The following PLA2G4C variants were observed in gnomAD, a reference collection of about 807,000 sequenced individuals.
PLA2G4C encodes cytosolic phospholipase A2 gamma.
In PLA2G4C, 64 loss-of-function variants were observed where a neutral mutation model predicts 73.8. That is an observed-to-expected ratio of 0.87 (90% confidence interval 0.71 to 1.07). The LOEUF is 1.07. PLA2G4C is among the 50% of genes least tolerant of loss of function. PLA2G4C has a pLI of 0.00. For missense variants in PLA2G4C, 622 were observed against 665.4 expected (o/e 0.93, Z 0.72); for synonymous variants, 254 against 252.1 (o/e 1.01, Z -0.07).
In PLA2G4C at chr19:48,074,788, G is replaced by T; in HGVS notation, c.985C>A (p.His329Asn). The T allele has an allele frequency of 1.9e-6, 3 of 1,613,178 alleles. No homozygotes were observed. Among genetic ancestry groups the T allele is most frequent in the Non-Finnish European group, 2.5e-6 (3 of 1,179,208 alleles). Reference sequence around the variant, plus strand: ...GTACCTTTCCTTTCGGGGTCCTCATGGGGCTGCTCCTGCTTTTCCAGGGAG... The same window carrying T: ...GTACCTTTCCTTTCGGGGTCCTCATTGGGCTGCTCCTGCTTTTCCAGGGAG... ...RTSLEKQEQP[H>N]EDPERKGSLS... Residue 329 changes from histidine (H) to asparagine (N), a missense_variant, in exon 12 of 17, where the codon CAT (histidine) becomes AAT (asparagine). Coordinates refer to ENST00000599921, the MANE Select transcript of PLA2G4C (RefSeq NM_003706.3).
chr19:48,057,482 TC>T (rs66498634), intron 14 of PLA2G4C, among the ~76,000 whole-genome samples: 3,825 of 38,228 alleles, frequency 0.1, 754 homozygotes, highest in Non-Finnish European at 0.13. Flanking sequence ...TTCTTCTTCT[TC>T]TTTTTTTTTT....
chr19:48,078,487 G>C (rs759471020), intron 10 of PLA2G4C, among the ~76,000 whole-genome samples: 14 of 152,100 alleles, frequency 9.2e-5, no homozygotes, highest in Admixed American at 2.0e-4. Flanking sequence ...CATCCAAAAA[G>C]CTCCTAGGTC....
intron 14 of PLA2G4C, among the ~76,000 whole-genome samples, chr19:48,060,108 C>T (rs1260910135): frequency 6.6e-6 from 1 of 151,988 alleles, no homozygotes; most frequent in Non-Finnish European, 1.5e-5. Context: ...TCGGACTGAG[C>T]CACTATTGGT....
rs2032466875 is a variant in PLA2G4C at position 48,110,730 on chromosome 19, G to A, written c.-276C>T. On this transcript the variant is annotated 5_prime_UTR_variant, in exon 1 of 17. Transcript: ENST00000599921. ...GTGTTTCCTCCTGGTCCTGAGCAGG[G>A]CCAACCTGGAGGTAAAATGGCCCCT... 9.3e-6 allele frequency: 4 copies of A among 432,218 alleles called. No individual in the cohort carries two copies. Among genetic ancestry groups the A allele is most frequent in the Non-Finnish European group, 1.6e-5 (4 of 250,752 alleles). 26.8% of individuals were successfully genotyped at this position (432,218 alleles called of 1,614,324 possible).
intron 11 of PLA2G4C, among the ~76,000 whole-genome samples, chr19:48,075,891 T>C (rs2030118417): frequency 6.6e-6 from 1 of 152,224 alleles, no homozygotes; most frequent in Non-Finnish European, 1.5e-5. Context: ...CATTTGCAGG[T>C]TGGAGATAGA....
At chr19:48,059,363 C>A (rs1968082342) in intron 14 of PLA2G4C, among the ~76,000 whole-genome samples, 1 of 151,968 alleles carries the variant, frequency 6.6e-6, no homozygotes, top group Admixed American at 6.6e-5. Flanking sequence ...AGTGTGATTG[C>A]CTCGATGTGT....
intron 10 of PLA2G4C, among the ~76,000 whole-genome samples, chr19:48,079,573 C>T (rs555286872): frequency 4.1e-4 from 62 of 152,148 alleles, no homozygotes; most frequent in Non-Finnish European, 6.8e-4. Context: ...GACCAGAAAC[C>T]ATAAAAATTC....
chr19:48,055,033 G>A lies in PLA2G4C; in HGVS notation c.1274C>T (p.Thr425Ile). 1 of 1,609,618 alleles carries A rather than the reference G, an allele frequency of 6.2e-7. No individual in the cohort carries two copies. The highest frequency in any genetic ancestry group is 1.3e-5 in the African/African-American group (1 of 74,752). The stretch of plus-strand genomic sequence containing the variant: ...GATCTTGTGGCGGCGGCAGTAGTCA[G>A]TGGTAGCCCGGATGGTCTGAGAAGG... ...GDPFETIRAT[T>I]DYCRRHKIPF... is the part of the protein sequence containing the mutation. The change falls in exon 15 of 17, where the codon ACT becomes ATT. Residue 425 changes from threonine (T) to isoleucine (I), a missense_variant. Transcript: ENST00000599921.
chr19:48,054,406 C>T (rs1054137837), intron 15 of PLA2G4C, among the ~76,000 whole-genome samples: 27 of 152,174 alleles, frequency 1.8e-4, no homozygotes, highest in East Asian at 3.9e-4. Flanking sequence ...CAGGTTCAAG[C>T]GATTCTCCTG....
At chr19:48,086,559 C>T (rs529671273) in intron 9 of PLA2G4C, among the ~76,000 whole-genome samples, 33 of 152,198 alleles carry the variant, frequency 2.2e-4, no homozygotes, top group Admixed American at 1.3e-3. Flanking sequence ...ATACAAAGGA[C>T]GGAAACTTTT....
chr19:48,092,534 C>A (rs2031366071), intron 7 of PLA2G4C, among the ~76,000 whole-genome samples: 1 of 152,112 alleles, frequency 6.6e-6, no homozygotes, highest in Admixed American at 6.6e-5. Context: ...AATTGATAAG[C>A]AAAATGTGGT....
intron 11 of PLA2G4C, among the ~76,000 whole-genome samples, chr19:48,076,267 C>T (rs2030151033): frequency 6.6e-6 from 1 of 152,222 alleles, no homozygotes; most frequent in Non-Finnish European, 1.5e-5. Flanking sequence ...GGAAGACCAT[C>T]TTTGTCAGCC....
At chr19:48,088,577 T>C in intron 9 of PLA2G4C, 109 bp downstream of exon 9, 1 of 775,518 alleles carries the variant, frequency 1.3e-6, no homozygotes, top group Non-Finnish European at 2.3e-6. Context: ...AGAATTCAAA[T>C]GGGCACCAAA....
intron 14 of PLA2G4C, among the ~76,000 whole-genome samples, chr19:48,060,624 C>T (rs1432867240): frequency 5.9e-5 from 9 of 152,136 alleles, no homozygotes; most frequent in Admixed American, 3.3e-4. Context: ...TTAAGCCTAT[C>T]GCTCGGGGTC....
intron 10 of PLA2G4C, among the ~76,000 whole-genome samples, chr19:48,078,135 G>A (rs2030293405): frequency 6.6e-6 from 1 of 152,068 alleles, no homozygotes; most frequent in South Asian, 2.1e-4. Context: ...AAAATCATAG[G>A]AGATGCAGAA....
At chr19:48,082,529 C>T (rs2030653214) in intron 10 of PLA2G4C, among the ~76,000 whole-genome samples, 1 of 115,564 alleles carries the variant, frequency 8.7e-6, no homozygotes, top group Non-Finnish European at 1.6e-5. Flanking sequence ...GACACAGTCT[C>T]GATCTGTTGC....
chr19:48,108,040 C>T (rs1438219114), intron 1 of PLA2G4C, among the ~76,000 whole-genome samples: 2 of 152,130 alleles, frequency 1.3e-5, no homozygotes, highest in South Asian at 2.1e-4. Context: ...GCATTTGGGG[C>T]CACTATCGGT....
intron 10 of PLA2G4C, among the ~76,000 whole-genome samples, chr19:48,084,425 C>T (rs145344533): frequency 0.012 from 1,892 of 152,204 alleles, 38 homozygotes; most frequent in African/African-American, 0.042. Flanking sequence ...CTGCAACCTC[C>T]GCCTCCTGGG....
chr19:48,054,994 A>C lies in PLA2G4C; in HGVS notation c.1313T>G (p.Val438Gly). Residue 438 changes from valine to glycine, a missense_variant, in exon 15 of 17, where the codon GTA (valine) becomes GGA (glycine). Transcript: ENST00000599921. ...CCACAAATCCAGCTCAGCCTCTTCT[A>C]CTTGGGGAAAGGGGATCTTGTGGCG... ...CRRHKIPFPQ[V>G]EEAELDLWSK... 1 of 1,613,426 alleles carries C rather than the reference A, an allele frequency of 6.2e-7. No homozygotes were observed. The highest frequency in any genetic ancestry group is 8.5e-7 in the Non-Finnish European group (1 of 1,179,866).
Sources: gnomAD v4.1 joint callset for allele counts (sites outside exome capture counted in the v4.1 genomes callset) on GRCh38, gnomAD v4.1.1 for gene constraint, MANE v1.5 for transcripts, NCBI Gene and HGNC (gene_info 2026-07-23, HGNC 2026-07-21) for gene names.